Variants in EYS observed in about 807,000 individuals in gnomAD.
EYS encodes protein eyes shut homolog.
A neutral mutation model predicts 282.1 loss-of-function variants in EYS; 250 were observed. The observed-to-expected ratio is 0.89, with a 90% confidence interval of 0.80 to 0.98. The LOEUF (loss-of-function observed/expected upper bound fraction) is 0.98, where lower values mean the gene tolerates loss of function less well. EYS is among the 50% of genes least tolerant of loss of function. The probability of loss-of-function intolerance (pLI) is 0.00; values close to 1 mark genes in which losing one functional copy is unlikely to be tolerated. For synonymous variants in EYS, 1,355 were observed against 1,282.9 expected, an observed-to-expected ratio of 1.06 and a Z score of -1.20; for missense variants, 4,016 against 3,709.0, an observed-to-expected ratio of 1.08 and a Z score of -2.15.
At chr6:64,782,162 A>G (rs1773883255) in intron 22 of EYS, among the ~76,000 whole-genome samples, 1 of 152,244 alleles carries the variant, frequency 6.6e-6, no homozygotes, top group African/African-American at 2.4e-5. Flanking sequence ...TTTAACAAGA[A>G]TGTTGTAGAA....
intron 28 of EYS, among the ~76,000 whole-genome samples, chr6:64,400,680 T>C (rs1268864745): frequency 6.6e-6 from 1 of 152,114 alleles, no homozygotes; most frequent in South Asian, 2.1e-4. Context: ...ACAGTTTGCT[T>C]AGCTCACCAT....
intron 12 of EYS, among the ~76,000 whole-genome samples, chr6:65,178,213 C>T (rs1765276532): frequency 6.6e-6 from 1 of 151,908 alleles, no homozygotes; most frequent in Non-Finnish European, 1.5e-5. Context: ...TTCCCTCTAG[C>T]TCCTGCCTCT....
At chr6:65,184,654 C>A (rs977678992) in intron 12 of EYS, among the ~76,000 whole-genome samples, 1 of 151,096 alleles carries the variant, frequency 6.6e-6, no homozygotes. Context: ...AAAATAATAA[C>A]ATTAATAATA....
intron 36 of EYS, among the ~76,000 whole-genome samples, chr6:63,820,263 G>A (rs1190028988): frequency 1.3e-5 from 2 of 152,140 alleles, no homozygotes; most frequent in African/African-American, 2.4e-5. Context: ...TTGGCCAACT[G>A]TATACCCTTC....
At chr6:65,360,825 G>A (rs1027066159) in intron 8 of EYS, among the ~76,000 whole-genome samples, 1 of 152,126 alleles carries the variant, frequency 6.6e-6, no homozygotes, top group Non-Finnish European at 1.5e-5. Context: ...TAGAAAGACA[G>A]TATTGCAAAC....
intron 31 of EYS, among the ~76,000 whole-genome samples, chr6:64,143,410 G>C (rs561000290): frequency 1.3e-4 from 19 of 147,378 alleles, no homozygotes; most frequent in Admixed American, 4.1e-4. Context: ...GGTATTCTTA[G>C]TAGAGGAGCT....
chr6:65,050,730 G>A (rs1773246934), intron 13 of EYS, among the ~76,000 whole-genome samples: 2 of 151,440 alleles, frequency 1.3e-5, no homozygotes, highest in South Asian at 2.1e-4. Flanking sequence ...ACTGAATATG[G>A]CCTGTGAAGG....
At chr6:65,347,152 T>A (rs996436268) in intron 9 of EYS, among the ~76,000 whole-genome samples, 1 of 151,788 alleles carries the variant, frequency 6.6e-6, no homozygotes, top group Non-Finnish European at 1.5e-5. Flanking sequence ...CAGCAATGGA[T>A]AGTCATTAAA....
At chr6:64,890,441 C>T (rs1239817956) in intron 18 of EYS, among the ~76,000 whole-genome samples, 8 of 152,102 alleles carry the variant, frequency 5.3e-5, no homozygotes, top group Non-Finnish European at 1.0e-4. Flanking sequence ...TGTGATGTCT[C>T]CCCTGGACGC....
intron 36 of EYS, among the ~76,000 whole-genome samples, chr6:63,863,679 T>TC (rs4034986): frequency 0.011 from 1,545 of 139,220 alleles, 41 homozygotes; most frequent in African/African-American, 0.038. Flanking sequence ...TTTTTTCTTT[T>TC]TTTTTTTTTT....
chr6:65,052,568 T>C (rs1773302387), intron 13 of EYS, among the ~76,000 whole-genome samples: 1 of 151,734 alleles, frequency 6.6e-6, no homozygotes, highest in South Asian at 2.1e-4. Context: ...AAAATTGTGG[T>C]ATCCGAACAT....
chr6:65,600,620 A>C (rs965837897), intron 2 of EYS, among the ~76,000 whole-genome samples: 2 of 152,070 alleles, frequency 1.3e-5, no homozygotes, highest in Non-Finnish European at 2.9e-5. Flanking sequence ...GTTCCTGGTA[A>C]TTTACGTGCA....
chr6:65,106,205 C>T (rs966088029), intron 12 of EYS, among the ~76,000 whole-genome samples: 4 of 151,930 alleles, frequency 2.6e-5, no homozygotes, highest in East Asian at 3.9e-4. Flanking sequence ...GAAGGTAGTA[C>T]GATCTCTAGA....
chr6:65,061,184 A>G (rs1773564737), intron 12 of EYS, among the ~76,000 whole-genome samples: 1 of 151,980 alleles, frequency 6.6e-6, no homozygotes, highest in South Asian at 2.1e-4. Flanking sequence ...TTTTATTGCC[A>G]AAATGTAGAT....
At chr6:64,882,378 A>G (rs562576944) in intron 19 of EYS, among the ~76,000 whole-genome samples, 11 of 151,906 alleles carry the variant, frequency 7.2e-5, no homozygotes, top group Middle Eastern at 3.4e-3. Flanking sequence ...AATAACATAT[A>G]TGTTTGCACA....
Position 63,726,676 on chromosome 6 carries a change from T to C in EYS, c.8076A>G (p.Leu2692=), listed in dbSNP as rs1389178989. ...GTTGIYCEQA[L]SISDPSFRSN... is the part of the protein sequence containing the mutation. ...TTCTGAAAGATGGATCACTTATGGA[T>C]AAAGCTGAGGGAAGGAGAGAAAGAG... Residue 2692 remains leucine, a synonymous_variant, in exon 42 of 43, where the codon TTA becomes TTG. Coordinates refer to ENST00000503581, the MANE Select transcript of EYS (RefSeq NM_001142800.2). 2 of 1,550,940 alleles carry C rather than the reference T, an allele frequency of 1.3e-6. No homozygotes were observed. The highest frequency in any genetic ancestry group is 4.9e-5 in the East Asian group (2 of 40,882).
chr6:64,519,824 G>A (rs1281300834), intron 26 of EYS, among the ~76,000 whole-genome samples: 3 of 151,752 alleles, frequency 2.0e-5, no homozygotes, highest in South Asian at 2.1e-4. Context: ...GGGGAGGAAG[G>A]GATGTCAAAA....
chr6:63,774,716 A>G (rs937463905), intron 40 of EYS, among the ~76,000 whole-genome samples: 1 of 152,144 alleles, frequency 6.6e-6, no homozygotes, highest in African/African-American at 2.4e-5. Flanking sequence ...AAATATATCC[A>G]ATTTTTATTT....
At chr6:65,054,327 C>T (rs1264399853) in intron 13 of EYS, among the ~76,000 whole-genome samples, 7 of 151,858 alleles carry the variant, frequency 4.6e-5, no homozygotes, top group Non-Finnish European at 1.0e-4. Context: ...GAATTAGGGA[C>T]CTATACTCTT....
Sources: gnomAD v4.1 joint callset for allele counts (sites outside exome capture counted in the v4.1 genomes callset) on GRCh38, gnomAD v4.1.1 for gene constraint, MANE v1.5 for transcripts, NCBI Gene and HGNC (gene_info 2026-07-23, HGNC 2026-07-21) for gene names.